The following NAALAD2 variants were observed in gnomAD, a reference collection of about 807,000 sequenced individuals.
The protein encoded by NAALAD2 is N-acetylated-alpha-linked acidic dipeptidase 2.
NAALAD2 carries 89 observed loss-of-function variants against 95.6 expected under a neutral mutation model. That is an observed-to-expected ratio of 0.93 (90% CI 0.78 to 1.11). NAALAD2 has a LOEUF of 1.11. NAALAD2 is among the 50% of genes least tolerant of loss of function. The pLI is 0.00. For missense variants in NAALAD2, 894 were observed against 872.4 expected (o/e 1.02, Z -0.31); for synonymous variants, 264 against 294.4 (o/e 0.90, Z 1.06).
chr11:90,137,272 A>G (rs1951473947), intron 2 of NAALAD2, among the ~76,000 whole-genome samples: 1 of 152,162 alleles, frequency 6.6e-6, no homozygotes, highest in South Asian at 2.1e-4. Context: ...ACAGTTAGAT[A>G]GAAGGAATAA....
intron 18 of NAALAD2, among the ~76,000 whole-genome samples, chr11:90,188,244 A>T (rs961524396): frequency 5.3e-5 from 8 of 152,230 alleles, no homozygotes; most frequent in African/African-American, 1.7e-4. Flanking sequence ...GGCAGCTTTA[A>T]GTTAAACTTG....
chr11:90,150,652 T>C (rs775865578), intron 5 of NAALAD2, 45 bp downstream of exon 5: 2 of 1,415,338 alleles, frequency 1.4e-6, no homozygotes, highest in Admixed American at 4.4e-5. Context: ...AGGATATATA[T>C]ATTCTGTAAA....
chr11:90,134,678 C>T lies in NAALAD2; in HGVS notation c.-81C>T, dbSNP rs988265992. ...GAGGCCACCCAGAGCTCACAGCCTC[C>T]TGCCAGCGCGCTCTCTGTTTCTCTG... is the stretch of plus-strand genomic sequence containing the variant. On this transcript the variant is annotated 5_prime_UTR_variant, in exon 1 of 19. Coordinates refer to ENST00000534061, the MANE Select transcript of NAALAD2 (RefSeq NM_005467.4). The T allele has an allele frequency of 2.8e-6, 4 of 1,417,454 alleles. No individual in the cohort carries two copies. In the African/African-American group the frequency reaches 4.2e-5, roughly 15 times the overall value. The allele number at this position is 1,417,454 out of a possible 1,614,324, so 87.8% of individuals were successfully genotyped here. A position where few individuals can be genotyped will look rare whatever the true frequency, so the allele number is the denominator to read the frequency against.
chr11:90,154,617 G>A (rs1486971377), intron 6 of NAALAD2, among the ~76,000 whole-genome samples: 1 of 151,302 alleles, frequency 6.6e-6, no homozygotes, highest in African/African-American at 2.4e-5. Context: ...GTGTCATTTG[G>A]TATCAAAGAA....
intron 7 of NAALAD2, 75 bp downstream of exon 7, chr11:90,158,313 G>A: frequency 9.5e-7 from 1 of 1,053,088 alleles, no homozygotes; most frequent in Non-Finnish European, 1.5e-6. Context: ...AAACCAATAT[G>A]GCATTCTTAT....
rs1280646968 is a variant in NAALAD2 at position 90,176,363 on chromosome 11, C to T, written c.1593+301C>T. On this transcript the variant is annotated intron_variant, in intron 15 of 18. Coordinates refer to ENST00000534061, the MANE Select transcript of NAALAD2 (RefSeq NM_005467.4). ...TTTTCCTGATTTGTCAGAAAACTCTCATTCTCTAGACTAGTCTTGCAGGCT... is the reference window on the plus strand; with the variant it reads ...TTTTCCTGATTTGTCAGAAAACTCTTATTCTCTAGACTAGTCTTGCAGGCT... 5.3e-5 allele frequency among the ~76,000 whole-genome samples: 8 copies of T among 152,162 alleles called. No individual in the cohort carries two copies. The East Asian group carries it at 1.5e-3, about 29-fold the overall frequency.
intron 18 of NAALAD2, among the ~76,000 whole-genome samples, chr11:90,184,558 A>C (rs1857066682): frequency 6.6e-6 from 1 of 152,076 alleles, no homozygotes; most frequent in African/African-American, 2.4e-5. Context: ...TAGTCCTCTC[A>C]GGTGTTGTTA....
At chr11:90,160,407 T>C (rs1465679595) in intron 8 of NAALAD2, among the ~76,000 whole-genome samples, 2 of 152,180 alleles carry the variant, frequency 1.3e-5, no homozygotes, top group Non-Finnish European at 2.9e-5. Flanking sequence ...AATTATTAAA[T>C]CAGTCTTCTT....
intron 1 of NAALAD2, chr11:90,135,180 T>C (rs1951423499): frequency 3.2e-6 from 1 of 316,890 alleles, no homozygotes; most frequent in Non-Finnish European, 5.8e-6. Flanking sequence ...ACGGGCAGCA[T>C]TAAAAACAAA....
intron 11 of NAALAD2, 159 bp downstream of exon 11, chr11:90,163,776 C>T: frequency 5.2e-6 from 4 of 763,786 alleles, no homozygotes; most frequent in Non-Finnish European, 8.8e-6. Context: ...TTTACTTTCA[C>T]ATCAGTTTGG....
Position 90,163,390 on chromosome 11 carries a change from C to T in NAALAD2, c.1156C>T (p.Gln386Ter). The T allele has an allele frequency of 1.9e-6, 3 of 1,613,984 alleles. No homozygotes were observed. The highest frequency in any genetic ancestry group is 1.7e-6 in the Non-Finnish European group (2 of 1,179,926). ...CCCAACCAGTGGGGTTGCTGTTTTG[C>T]AAGAAATTGCCCGGAGTTTTGGAAA... ...IDPTSGVAVLQEIARSFGKLM... is the reference protein window; with the variant it reads ...IDPTSGVAVL Residue 386 changes from glutamine (Q) to a stop codon, truncating the protein, a stop_gained, in exon 10 of 19, where the codon CAA becomes TAA. Coordinates refer to ENST00000534061, the MANE Select transcript of NAALAD2 (RefSeq NM_005467.4). LOFTEE classifies it high-confidence loss of function.
intron 6 of NAALAD2, among the ~76,000 whole-genome samples, chr11:90,157,149 T>C (rs1436716630): frequency 6.6e-6 from 1 of 152,212 alleles, no homozygotes; most frequent in East Asian, 1.9e-4. Flanking sequence ...ACTGATTTAC[T>C]ATCTAATTAT....
intron 2 of NAALAD2, among the ~76,000 whole-genome samples, chr11:90,145,383 C>G (rs1316754121): frequency 1.3e-5 from 2 of 152,066 alleles, no homozygotes; most frequent in African/African-American, 4.8e-5. Context: ...AAGTTCATGG[C>G]TAATCCTCCC....
At chr11:90,175,118 C>T (rs1952750708) in intron 14 of NAALAD2, among the ~76,000 whole-genome samples, 1 of 152,116 alleles carries the variant, frequency 6.6e-6, no homozygotes, top group Non-Finnish European at 1.5e-5. Context: ...TGGTCCCAAG[C>T]ATTTCATATG....
At position 90,152,399 on chromosome 11, in the gene NAALAD2, T is replaced by C. The variant is rs1951913179; in HGVS notation, c.711T>C (p.Asn237=). 6.2e-7 allele frequency: 1 copy of C among 1,613,936 alleles called. No individual in the cohort carries two copies. The highest frequency in any genetic ancestry group is 1.7e-5 in the Admixed American group (1 of 60,004). ...PEVQPYPKGW[N]LPGTAAQRGN... ...TACAGCCATATCCCAAAGGATGGAA[T>C]CTTCCTGGAACTGCAGCCCAGAGAG... Residue 237 remains asparagine, a synonymous_variant, in exon 6 of 19, where the codon AAT becomes AAC. Transcript: ENST00000534061.
Position 90,138,725 on chromosome 11 carries a change from CTTTTTTTTTTTTTTTT to C in NAALAD2, c.194+3074_194+3089del, listed in dbSNP as rs562496549. Among the ~76,000 whole-genome samples the C allele has an allele frequency of 8.6e-3, 531 of 61,554 alleles. 3 individuals carry two copies. The highest frequency in any genetic ancestry group is 0.028 in the African/African-American group (499 of 17,810). 40.4% of individuals were successfully genotyped at this position (61,554 alleles called of 152,430 possible). Reference sequence around the variant, plus strand: ...TATCATGAAACCCTTCATCCCTCAACTTTTTTTTTTTTTTTTTTTTTTTTTTTTTTTTTTGCCATAT... The same window carrying C: ...TATCATGAAACCCTTCATCCCTCAACTTTTTTTTTTTTTTTTTTGCCATAT... On this transcript the variant is annotated intron_variant, in intron 2 of 18. Coordinates refer to ENST00000534061, the MANE Select transcript of NAALAD2 (RefSeq NM_005467.4).
At chr11:90,147,215 CAT>C in intron 2 of NAALAD2, 113 bp from the exon 3 acceptor site, 3 of 811,970 alleles carry the variant, frequency 3.7e-6, no homozygotes, top group Non-Finnish European at 5.7e-6. Flanking sequence ...TTTTATCTGT[CAT>C]ATAGGAATGA....
intron 11 of NAALAD2, 160 bp downstream of exon 11, chr11:90,163,777 A>T (rs1282592306): frequency 1.3e-6 from 1 of 758,380 alleles, no homozygotes. Flanking sequence ...TTACTTTCAC[A>T]TCAGTTTGGC....
intron 2 of NAALAD2, among the ~76,000 whole-genome samples, chr11:90,140,603 C>G (rs1480888985): frequency 6.6e-6 from 1 of 151,930 alleles, no homozygotes; most frequent in Non-Finnish European, 1.5e-5. Context: ...AGGGTCAACT[C>G]TATTCTAGAT....
Sources: allele counts gnomAD v4.1 joint callset (sites outside exome capture counted in the v4.1 genomes callset), GRCh38; gene constraint gnomAD v4.1.1; transcripts MANE v1.5; gene names NCBI Gene and HGNC (gene_info 2026-07-23, HGNC 2026-07-21).